The following PM20D2 variants were observed in gnomAD, a reference collection of about 807,000 sequenced individuals.
PM20D2 encodes the protein xaa-Arg dipeptidase.
PM20D2 carries 33 observed loss-of-function variants against 42.9 expected under a neutral mutation model. That is an observed-to-expected ratio of 0.77 (90% CI 0.58 to 1.03). The LOEUF (loss-of-function observed/expected upper bound fraction) is 1.03. Among genes scored for constraint, PM20D2 ranks in the 50% least tolerant of loss-of-function variants. PM20D2 has a pLI of 0.00. For missense variants in PM20D2, 548 were observed against 557.0 expected, an observed-to-expected ratio of 0.98 and a Z score of 0.16; for synonymous variants, 250 against 228.2, an observed-to-expected ratio of 1.10 and a Z score of -0.86.
At chr6:89,118,864 A>T in the PM20D2 span, among the ~76,000 whole-genome samples, 6 of 152,340 alleles carry the variant, frequency 3.9e-5, no homozygotes, top group South Asian at 6.2e-4. Context: ...GGGACAGTTA[A>T]GCAAAATTTA....
chr6:89,117,794 GC>G, the PM20D2 span: 4 of 1,534,498 alleles, frequency 2.6e-6, no homozygotes, highest in Admixed American at 2.0e-5. Context: ...CCTCCTCCGC[GC>G]CCCCAACCTG....
the PM20D2 span, chr6:89,105,138 G>A: frequency 7.4e-6 from 12 of 1,611,884 alleles, no homozygotes; most frequent in African/African-American, 4.0e-5. Flanking sequence ...CTGTCTGACC[G>A]CCTCCTATTT....
At position 89,146,394 on chromosome 6, in the gene PM20D2, C is replaced by A; in HGVS notation, c.250C>A (p.Pro84Thr). The A allele has an allele frequency of 6.5e-7, 1 of 1,531,068 alleles. No homozygotes were observed. The highest frequency in any genetic ancestry group is 8.7e-7 in the Non-Finnish European group (1 of 1,146,246). The allele number at this position is 1,531,068 out of a possible 1,614,324, so 94.8% of individuals were successfully genotyped here. ...GGCAGTGCAGCCGCACTACCAGCTG[C>A]CCACGGCCTTCCGCGCCGAGTGGGA... ...SWAVQPHYQLPTAFRAEWEPP... is the reference protein window; with the variant it reads ...SWAVQPHYQLTTAFRAEWEPP... Residue 84 changes from proline (P) to threonine (T), a missense_variant, in exon 1 of 7, where the codon CCC becomes ACC. Physicochemically the swap from Pro to Thr is conservative, Grantham distance 38. This residue lies in a region of PM20D2 where 470 missense variants were observed against 464.4 expected (regional missense o/e 1.01). Coordinates refer to ENST00000275072, the MANE Select transcript of PM20D2 (RefSeq NM_001010853.3).
chr6:89,146,261 G>C lies in PM20D2; in HGVS notation c.117G>C (p.Gly39=), dbSNP rs1770542792. 1.1e-5 allele frequency: 17 copies of C among 1,580,324 alleles called. No homozygotes were observed. Among genetic ancestry groups the C allele is most frequent in the Non-Finnish European group, 1.5e-5 (17 of 1,171,100 alleles). Residue 39 remains glycine (G), a synonymous_variant, in exon 1 of 7, where the codon GGG becomes GGC. Transcript: ENST00000275072. The part of the protein sequence containing the change: ...ECIDEAAERL[G]ALSRAIWSQP... Reference sequence around the variant, plus strand: ...TCGACGAGGCGGCCGAGCGGCTGGGGGCCCTGAGCCGCGCGATCTGGAGCC... The same window carrying C: ...TCGACGAGGCGGCCGAGCGGCTGGGCGCCCTGAGCCGCGCGATCTGGAGCC...
intron 3 of PM20D2, among the ~76,000 whole-genome samples, chr6:89,154,139 T>C (rs1770950957): frequency 6.6e-6 from 1 of 152,224 alleles, no homozygotes; most frequent in African/African-American, 2.4e-5. Flanking sequence ...TGTGTAGAAA[T>C]ATTTTTTTAA....
At chr6:89,124,733 G>GTTTTTTT in the PM20D2 span, among the ~76,000 whole-genome samples, 12,240 of 78,154 alleles carry the variant, frequency 0.16, 1,368 homozygotes, top group South Asian at 0.28. Flanking sequence ...TGTTGCTGTT[G>GTTTTTTT]TTGTTTTTTT....
the PM20D2 span, among the ~76,000 whole-genome samples, chr6:89,137,905 A>G: frequency 6.6e-6 from 1 of 152,116 alleles, no homozygotes; most frequent in African/African-American, 2.4e-5. Flanking sequence ...ACCATTGGAC[A>G]TTCCAGTTTA....
At chr6:89,104,328 C>G in the PM20D2 span, among the ~76,000 whole-genome samples, 1 of 151,558 alleles carries the variant, frequency 6.6e-6, no homozygotes, top group Non-Finnish European at 1.5e-5. Context: ...CCTCCGCCTC[C>G]CAGGTTCAAG....
At chr6:89,144,603 C>G (rs771385724), upstream of PM20D2, among the ~76,000 whole-genome samples, 38 of 152,206 alleles carry the variant, frequency 2.5e-4, no homozygotes, top group Non-Finnish European at 4.4e-4. Context: ...CATTAACCAC[C>G]TCATAGTTTG....
the PM20D2 span, chr6:89,098,715 A>G: frequency 4.3e-6 from 7 of 1,613,964 alleles, no homozygotes; most frequent in Non-Finnish European, 5.9e-6. Context: ...ATTGAGTCAG[A>G]ATGTCTTCCA....
intron 6 of PM20D2, 72 bp downstream of exon 6, chr6:89,161,962 C>G (rs1771255677): frequency 2.7e-6 from 4 of 1,495,628 alleles, no homozygotes; most frequent in Admixed American, 3.4e-5. Context: ...TTCTGTTTAA[C>G]CTACTATTTC....
Position 89,163,193 on chromosome 6 carries a change from T to C in PM20D2, c.*930T>C, listed in dbSNP as rs1377296612. ...AATATTGCTTCCTTGCTTGGAATCATCAGAGTTTAAAGTAGCTTCGTGGAT... is the reference window on the plus strand; with the variant it reads ...AATATTGCTTCCTTGCTTGGAATCACCAGAGTTTAAAGTAGCTTCGTGGAT... On this transcript the variant is annotated 3_prime_UTR_variant, in exon 7 of 7. Coordinates refer to ENST00000275072, the MANE Select transcript of PM20D2 (RefSeq NM_001010853.3). 1.3e-5 allele frequency: 2 copies of C among 152,192 alleles called. No individual in the cohort carries two copies. The highest frequency in any genetic ancestry group is 6.5e-5 in the Admixed American group (1 of 15,284). The allele number at this position is 152,192 out of a possible 1,614,324, so 9.4% of individuals were successfully genotyped here.
upstream of PM20D2, chr6:89,146,010 G>C: frequency 1.4e-6 from 1 of 707,470 alleles, no homozygotes; most frequent in Non-Finnish European, 2.0e-6. Context: ...GACTGGGGGT[G>C]GTGCCCTGGG....
chr6:89,121,350 A>G, the PM20D2 span, among the ~76,000 whole-genome samples: 4 of 152,172 alleles, frequency 2.6e-5, no homozygotes, highest in African/African-American at 9.7e-5. Flanking sequence ...GCCTAAGGAG[A>G]GAACATCGTC....
chr6:89,131,165 CT>C, the PM20D2 span, among the ~76,000 whole-genome samples: 1 of 152,082 alleles, frequency 6.6e-6, no homozygotes, highest in Non-Finnish European at 1.5e-5. Flanking sequence ...TATAAAACCA[CT>C]AATCCCACTC....
chr6:89,157,399 G>T (rs1436502684), intron 4 of PM20D2, among the ~76,000 whole-genome samples: 2 of 152,044 alleles, frequency 1.3e-5, no homozygotes, highest in Non-Finnish European at 2.9e-5. Flanking sequence ...AGGGAATATT[G>T]CCAATTTTTA....
chr6:89,100,992 C>T, the PM20D2 span, among the ~76,000 whole-genome samples: 1 of 151,804 alleles, frequency 6.6e-6, no homozygotes. Context: ...ATAATCCCAG[C>T]TACTTAGGAG....
At chr6:89,154,941 G>T (rs200307137) in intron 4 of PM20D2, 39 bp downstream of exon 4, 1 of 1,513,762 alleles carries the variant, frequency 6.6e-7, no homozygotes, top group East Asian at 2.4e-5. Flanking sequence ...TACAATCAGA[G>T]GTATATATGT....
the PM20D2 span, among the ~76,000 whole-genome samples, chr6:89,134,003 C>T: frequency 6.6e-6 from 1 of 151,480 alleles, no homozygotes; most frequent in African/African-American, 2.5e-5. Flanking sequence ...GACCCAACGA[C>T]GGATGAATAA....
Sources: gnomAD v4.1 joint callset for allele counts (sites outside exome capture counted in the v4.1 genomes callset) on GRCh38, gnomAD v4.1.1 for gene constraint, gnomAD v4.1.1 regional missense constraint, MANE v1.5 for transcripts, NCBI Gene and HGNC (gene_info 2026-07-23, HGNC 2026-07-21) for gene names.